The following SGCZ variants were observed in gnomAD, a reference collection of about 807,000 sequenced individuals.
The protein encoded by SGCZ is zeta-sarcoglycan.
Under a neutral mutation model 41.3 loss-of-function variants are expected in SGCZ, and 40 were observed. That is an observed-to-expected ratio of 0.97 (90% CI 0.75 to 1.26). The LOEUF (loss-of-function observed/expected upper bound fraction) is 1.26, where lower values mean the gene tolerates loss of function less well. Ranked by LOEUF, SGCZ falls within the 50% of genes most tolerant of loss-of-function variation. The probability of loss-of-function intolerance (pLI) is 0.00; values close to 1 mark genes in which losing one functional copy is unlikely to be tolerated. For synonymous variants in SGCZ, 206 were observed against 137.5 expected, an observed-to-expected ratio of 1.50 and a Z score of -3.49; for missense variants, 552 against 369.8, an observed-to-expected ratio of 1.49 and a Z score of -4.04.
At chr8:14,119,578 A>T (rs1802634199) in intron 5 of SGCZ, among the ~76,000 whole-genome samples, 1 of 152,156 alleles carries the variant, frequency 6.6e-6, no homozygotes, top group Admixed American at 6.5e-5. Flanking sequence ...TATCCAGGCC[A>T]GAACTTCCAA....
intron 1 of SGCZ, among the ~76,000 whole-genome samples, chr8:15,107,051 C>G (rs1236797261): frequency 6.6e-6 from 1 of 152,082 alleles, no homozygotes; most frequent in Non-Finnish European, 1.5e-5. Flanking sequence ...CTTACATGAG[C>G]CCCTCTTCAT....
intron 2 of SGCZ, among the ~76,000 whole-genome samples, chr8:14,452,607 G>C (rs1317751787): frequency 6.6e-6 from 1 of 151,856 alleles, no homozygotes; most frequent in African/African-American, 2.4e-5. Flanking sequence ...ATTTTATTTT[G>C]GGTGGTTATG....
chr8:15,146,189 A>G (rs1456922694), intron 1 of SGCZ, among the ~76,000 whole-genome samples: 1 of 152,182 alleles, frequency 6.6e-6, no homozygotes, highest in African/African-American at 2.4e-5. Context: ...AAAAAGTCAT[A>G]CAAAAAAAAG....
intron 1 of SGCZ, among the ~76,000 whole-genome samples, chr8:14,775,203 T>C (rs1261425800): frequency 6.6e-6 from 1 of 152,138 alleles, no homozygotes; most frequent in Admixed American, 6.6e-5. Context: ...TTTGTAATAA[T>C]ACAAATTCTG....
chr8:14,702,932 GATAGA>G lies in SGCZ; in HGVS notation c.40-148011_40-148007del, dbSNP rs1563213280. Among the ~76,000 whole-genome samples, 919 of 103,924 alleles carry G rather than the reference GATAGA, an allele frequency of 8.8e-3. 13 individuals are homozygous for G. Among genetic ancestry groups the G allele is most frequent in the South Asian group, 0.018 (54 of 2,956 alleles). The allele number at this position is 103,924 out of a possible 152,430, so 68.2% of individuals were successfully genotyped here. On this transcript the variant is annotated intron_variant, in intron 1 of 7. Coordinates refer to ENST00000382080, the MANE Select transcript of SGCZ (RefSeq NM_139167.4). Reference sequence around the variant, plus strand: ...AGGTAGGTAGTTAGGTAGGTAGATAGATAGATAGATAGATAGATAGATAGATAGAT... The same window carrying G: ...AGGTAGGTAGTTAGGTAGGTAGATAGTAGATAGATAGATAGATAGATAGAT...
At chr8:14,703,284 TC>T (rs1563213546) in intron 1 of SGCZ, among the ~76,000 whole-genome samples, 1 of 151,938 alleles carries the variant, frequency 6.6e-6, no homozygotes, top group Non-Finnish European at 1.5e-5. Context: ...ACTCTTCTTG[TC>T]TACACTGACA....
At chr8:14,985,057 T>C (rs1801786461) in intron 1 of SGCZ, among the ~76,000 whole-genome samples, 1 of 152,184 alleles carries the variant, frequency 6.6e-6, no homozygotes, top group Non-Finnish European at 1.5e-5. Context: ...TGCCAAGCTC[T>C]GTTTATTTGA....
At chr8:14,364,072 T>A (rs1803618202) in intron 2 of SGCZ, among the ~76,000 whole-genome samples, 1 of 152,208 alleles carries the variant, frequency 6.6e-6, no homozygotes, top group Non-Finnish European at 1.5e-5. Flanking sequence ...CAATAGATAC[T>A]CTAATTTATT....
intron 2 of SGCZ, among the ~76,000 whole-genome samples, chr8:14,449,916 C>T (rs561246889): frequency 1.6e-4 from 24 of 152,170 alleles, no homozygotes; most frequent in African/African-American, 5.3e-4. Flanking sequence ...TGAACAACAT[C>T]ATGTACAAAA....
At chr8:14,992,720 A>C (rs1802063125) in intron 1 of SGCZ, among the ~76,000 whole-genome samples, 1 of 128,482 alleles carries the variant, frequency 7.8e-6, no homozygotes, top group Non-Finnish European at 1.6e-5. Flanking sequence ...TCCTCATTCA[A>C]TCTACTCCCA....
intron 1 of SGCZ, among the ~76,000 whole-genome samples, chr8:15,047,964 T>A (rs543579176): frequency 6.6e-5 from 10 of 151,978 alleles, no homozygotes; most frequent in Admixed American, 5.3e-4. Context: ...TACCATATGA[T>A]CCAGCAACCC....
intron 1 of SGCZ, among the ~76,000 whole-genome samples, chr8:14,735,790 A>G (rs1034852494): frequency 6.6e-6 from 1 of 152,130 alleles, no homozygotes; most frequent in East Asian, 1.9e-4. Flanking sequence ...TTAGTATAAC[A>G]TGTCATGGAC....
intron 2 of SGCZ, among the ~76,000 whole-genome samples, chr8:14,391,836 C>A (rs1177217523): frequency 6.6e-6 from 1 of 152,056 alleles, no homozygotes; most frequent in Non-Finnish European, 1.5e-5. Context: ...TTTCAGGAAG[C>A]TTTCAATGGT....
At chr8:15,150,913 C>G (rs1473651437) in intron 1 of SGCZ, among the ~76,000 whole-genome samples, 3 of 152,188 alleles carry the variant, frequency 2.0e-5, no homozygotes, top group Non-Finnish European at 4.4e-5. Flanking sequence ...CTCATTTTCA[C>G]ACCCTTGTGT....
At chr8:14,514,351 T>C (rs998189147) in intron 2 of SGCZ, among the ~76,000 whole-genome samples, 1 of 152,030 alleles carries the variant, frequency 6.6e-6, no homozygotes, top group Admixed American at 6.6e-5. Context: ...TACTTACTAC[T>C]TGAATAACAA....
intron 4 of SGCZ, among the ~76,000 whole-genome samples, chr8:14,231,253 C>CAG (rs1163656774): frequency 2.8e-5 from 4 of 141,554 alleles, no homozygotes; most frequent in African/African-American, 1.1e-4. Flanking sequence ...GAGAGAGACA[C>CAG]AGAGAGAGAG....
At position 14,565,692 on chromosome 8, in the gene SGCZ, A is replaced by T. The variant is rs531587300; in HGVS notation, c.40-10766T>A. 9.2e-5 allele frequency among the ~76,000 whole-genome samples: 14 copies of T among 152,224 alleles called. No homozygotes were observed. The South Asian group carries it at 2.9e-3, about 32-fold the overall frequency. ...ACTTCAAACAGTAAGGATTAACAAG[A>T]AAACATATTTGAAAAACAATGGTAA... On this transcript the variant is annotated intron_variant, in intron 1 of 7. Coordinates refer to ENST00000382080, the MANE Select transcript of SGCZ (RefSeq NM_139167.4).
At chr8:15,125,703 T>A (rs1228406308) in intron 1 of SGCZ, among the ~76,000 whole-genome samples, 2 of 152,222 alleles carry the variant, frequency 1.3e-5, no homozygotes, top group Non-Finnish European at 2.9e-5. Context: ...ACTCATGTTT[T>A]ATAATAAATG....
At chr8:14,605,528 A>G (rs1367371606) in intron 1 of SGCZ, among the ~76,000 whole-genome samples, 1 of 152,008 alleles carries the variant, frequency 6.6e-6, no homozygotes. Flanking sequence ...TTTTGTACCC[A>G]TTAACCACCC....
Sources: allele counts gnomAD v4.1 joint callset (sites outside exome capture counted in the v4.1 genomes callset), GRCh38; gene constraint gnomAD v4.1.1; transcripts MANE v1.5; gene names NCBI Gene and HGNC (gene_info 2026-07-23, HGNC 2026-07-21).